Variants in ANKIB1 observed in about 807,000 individuals in gnomAD.
The protein encoded by ANKIB1 is ankyrin repeat and IBR domain-containing protein 1.
A neutral mutation model predicts 122.1 loss-of-function variants in ANKIB1; 43 were observed. The observed-to-expected ratio is 0.35, with a 90% CI of 0.28 to 0.45. The LOEUF (loss-of-function observed/expected upper bound fraction) is 0.45, where lower values mean the gene tolerates loss of function less well. Among genes scored for constraint, ANKIB1 ranks in the 20% least tolerant of loss-of-function variants. The probability of loss-of-function intolerance (pLI) is 1.00; values close to 1 mark genes in which losing one functional copy is unlikely to be tolerated. For missense variants in ANKIB1, 992 were observed against 1,329.5 expected (o/e 0.75, Z 3.95); for synonymous variants, 390 against 442.0 (o/e 0.88, Z 1.48).
chr7:92,295,789 TG>T (rs1802343063), intron 2 of ANKIB1, among the ~76,000 whole-genome samples: 1 of 152,218 alleles, frequency 6.6e-6, no homozygotes, highest in Admixed American at 6.5e-5. Context: ...GAAGCTTTAG[TG>T]ACATAGCAAA....
At chr7:92,267,153 A>C (rs1282796079) in intron 1 of ANKIB1, among the ~76,000 whole-genome samples, 2 of 152,354 alleles carry the variant, frequency 1.3e-5, no homozygotes, top group Non-Finnish European at 2.9e-5. Context: ...GTTAGGTAGA[A>C]CAGAGTTAAG....
chr7:92,317,267 A>G (rs1802813849), intron 3 of ANKIB1, among the ~76,000 whole-genome samples: 1 of 152,204 alleles, frequency 6.6e-6, no homozygotes, highest in South Asian at 2.1e-4. Context: ...GTGCAAAAAG[A>G]ATCTCTTGGA....
chr7:92,348,340 A>G (rs1220761496), intron 7 of ANKIB1, among the ~76,000 whole-genome samples: 2 of 152,118 alleles, frequency 1.3e-5, no homozygotes, highest in Non-Finnish European at 2.9e-5. Flanking sequence ...GTTATGTGAA[A>G]AAGGAACTCT....
chr7:92,372,426 T>A (rs1303903263), intron 11 of ANKIB1, among the ~76,000 whole-genome samples: 1 of 152,150 alleles, frequency 6.6e-6, no homozygotes, highest in South Asian at 2.1e-4. Flanking sequence ...TTCTCAGATT[T>A]TGGTGTTTGC....
At chr7:92,301,706 T>C (rs1216991426) in intron 2 of ANKIB1, among the ~76,000 whole-genome samples, 2 of 152,236 alleles carry the variant, frequency 1.3e-5, no homozygotes, top group East Asian at 3.8e-4. Context: ...AACTTTCTTA[T>C]ACTTTTACAT....
intron 2 of ANKIB1, among the ~76,000 whole-genome samples, chr7:92,305,954 G>A (rs554229259): frequency 2.0e-5 from 3 of 152,114 alleles, no homozygotes; most frequent in Non-Finnish European, 2.9e-5. Context: ...TTGTAAAACC[G>A]AGAGATGCTA....
At chr7:92,382,537 G>C (rs555047944) in intron 11 of ANKIB1, among the ~76,000 whole-genome samples, 2 of 152,136 alleles carry the variant, frequency 1.3e-5, no homozygotes, top group Non-Finnish European at 2.9e-5. Flanking sequence ...ACAACAAACT[G>C]TCTCTCAGAC....
intron 7 of ANKIB1, among the ~76,000 whole-genome samples, chr7:92,345,312 C>A (rs900917316): frequency 6.6e-6 from 1 of 152,022 alleles, no homozygotes; most frequent in South Asian, 2.1e-4. Context: ...AGCAGGTATA[C>A]AAATAATTTT....
At chr7:92,250,560 A>G (rs1801308555) in intron 1 of ANKIB1, among the ~76,000 whole-genome samples, 1 of 152,174 alleles carries the variant, frequency 6.6e-6, no homozygotes, top group Non-Finnish European at 1.5e-5. Flanking sequence ...ACGGGACCAC[A>G]AGCTTTTAAA....
intron 11 of ANKIB1, among the ~76,000 whole-genome samples, chr7:92,383,196 A>G (rs1340909474): frequency 3.3e-5 from 5 of 152,230 alleles, no homozygotes; most frequent in Non-Finnish European, 7.4e-5. Flanking sequence ...ACCAGGAAGA[A>G]GTTGAATCTC....
chr7:92,320,424 A>G (rs1400537604), intron 4 of ANKIB1, among the ~76,000 whole-genome samples: 25 of 152,196 alleles, frequency 1.6e-4, no homozygotes, highest in Admixed American at 1.6e-3. Flanking sequence ...CACTTGATGC[A>G]ATTGACCAAT....
At chr7:92,300,492 A>G (rs929947486) in intron 2 of ANKIB1, among the ~76,000 whole-genome samples, 1 of 152,064 alleles carries the variant, frequency 6.6e-6, no homozygotes, top group Non-Finnish European at 1.5e-5. Context: ...CTTTAATCAT[A>G]TATTCTTTTG....
chr7:92,320,440 C>T (rs781209231), intron 4 of ANKIB1, among the ~76,000 whole-genome samples: 8 of 152,182 alleles, frequency 5.3e-5, no homozygotes, highest in Non-Finnish European at 1.2e-4. Flanking sequence ...CCAATCCCTT[C>T]TTAATGAAAC....
chr7:92,296,904 T>G (rs534471381), intron 2 of ANKIB1, among the ~76,000 whole-genome samples: 1 of 152,304 alleles, frequency 6.6e-6, no homozygotes, highest in South Asian at 2.1e-4. Context: ...TTATCTAATT[T>G]TTTTGCTTCT....
At chr7:92,386,410 G>T (rs1804651905) in intron 11 of ANKIB1, 99 bp from the exon 12 acceptor site, 2 of 1,307,342 alleles carry the variant, frequency 1.5e-6, no homozygotes, top group African/African-American at 3.0e-5. Flanking sequence ...GGTCACACAA[G>T]CACAATTATT....
Position 92,398,325 on chromosome 7 carries a change from A to G in ANKIB1, c.2646A>G (p.Glu882=), listed in dbSNP as rs1804943882. ...DEETRDFLSN[E]ASLGAIGTSL... is the part of the protein sequence containing the mutation. Reference sequence around the variant, plus strand: ...AAACTAGAGACTTCCTCAGTAATGAAGCATCCTTAGGTGCGATAGGCACTT... The same window carrying G: ...AAACTAGAGACTTCCTCAGTAATGAGGCATCCTTAGGTGCGATAGGCACTT... Residue 882 remains glutamate, a synonymous_variant, in exon 20 of 20, where the codon GAA becomes GAG. Transcript: ENST00000265742. The G allele has an allele frequency of 5.0e-6, 8 of 1,613,612 alleles. No homozygotes were observed. Among genetic ancestry groups the G allele is most frequent in the Admixed American group, 1.7e-5 (1 of 59,970 alleles).
intron 1 of ANKIB1, among the ~76,000 whole-genome samples, chr7:92,252,361 G>A (rs1012250068): frequency 6.7e-6 from 1 of 149,378 alleles, no homozygotes; most frequent in African/African-American, 2.5e-5. Context: ...ATGCATATTA[G>A]TTGGTATTAT....
chr7:92,282,599 G>C (rs974430875), intron 1 of ANKIB1, among the ~76,000 whole-genome samples: 1 of 152,202 alleles, frequency 6.6e-6, no homozygotes, highest in Non-Finnish European at 1.5e-5. Flanking sequence ...ACACTGAATA[G>C]AGATGCCGAA....
chr7:92,342,619 A>G (rs1371388323), intron 5 of ANKIB1, among the ~76,000 whole-genome samples: 3 of 152,316 alleles, frequency 2.0e-5, no homozygotes, highest in Admixed American at 6.5e-5. Flanking sequence ...TGAACTATGT[A>G]ATCATTTTAC....
Sources: gnomAD v4.1 joint callset for allele counts (sites outside exome capture counted in the v4.1 genomes callset) on GRCh38, gnomAD v4.1.1 for gene constraint, MANE v1.5 for transcripts, NCBI Gene and HGNC (gene_info 2026-07-23, HGNC 2026-07-21) for gene names.